The following NOL4 variants were observed in gnomAD, a reference collection of about 807,000 sequenced individuals.
NOL4 encodes cancer/testis antigen 125.
Under a neutral mutation model 75.9 loss-of-function variants are expected in NOL4, and 17 were observed. That is an observed-to-expected ratio of 0.22 (90% CI 0.15 to 0.34). The LOEUF is 0.34. Among genes scored for constraint, NOL4 ranks in the 10% least tolerant of loss-of-function variants. NOL4 has a pLI of 1.00. For synonymous variants in NOL4, 292 were observed against 289.9 expected, an observed-to-expected ratio of 1.01 and a Z score of -0.07; for missense variants, 614 against 793.5, an observed-to-expected ratio of 0.77 and a Z score of 2.72.
intron 1 of NOL4, among the ~76,000 whole-genome samples, chr18:34,163,578 G>A (rs1261308169): frequency 2.6e-5 from 4 of 152,210 alleles, no homozygotes; most frequent in Admixed American, 6.5e-5. Context: ...CCACTGCTCA[G>A]TGAAATAAAA....
chr18:34,189,426 C>T (rs2034742985), intron 1 of NOL4, among the ~76,000 whole-genome samples: 1 of 152,170 alleles, frequency 6.6e-6, no homozygotes, highest in Admixed American at 6.5e-5. Flanking sequence ...ATTTCCAACA[C>T]ATGAATTCTC....
At chr18:34,062,712 A>G (rs2077115842) in intron 5 of NOL4, among the ~76,000 whole-genome samples, 1 of 152,158 alleles carries the variant, frequency 6.6e-6, no homozygotes, top group Non-Finnish European at 1.5e-5. Context: ...GTATATCAAA[A>G]TAAAAATAGG....
At chr18:34,059,619 A>G (rs2076988352) in intron 5 of NOL4, among the ~76,000 whole-genome samples, 1 of 152,156 alleles carries the variant, frequency 6.6e-6, no homozygotes, top group Admixed American at 6.5e-5. Flanking sequence ...TGTGAAACCC[A>G]TAACTTTCTC....
At chr18:33,905,969 T>C (rs930504911) in intron 9 of NOL4, among the ~76,000 whole-genome samples, 1 of 152,206 alleles carries the variant, frequency 6.6e-6, no homozygotes, top group Non-Finnish European at 1.5e-5. Flanking sequence ...GGGGAAATTG[T>C]AGCAGTGAAA....
intron 6 of NOL4, among the ~76,000 whole-genome samples, chr18:33,994,194 T>C (rs1003839078): frequency 4.0e-5 from 6 of 151,590 alleles, no homozygotes; most frequent in African/African-American, 1.2e-4. Flanking sequence ...TAAATAATAA[T>C]AGATAATAGT....
At chr18:34,193,237 A>G (rs1371806664) in intron 1 of NOL4, among the ~76,000 whole-genome samples, 1 of 152,214 alleles carries the variant, frequency 6.6e-6, no homozygotes, top group Non-Finnish European at 1.5e-5. Flanking sequence ...AACACAGCAA[A>G]AAAAGCAGAA....
In NOL4 at chr18:34,220,093, C is replaced by G. The variant is rs573371325; in HGVS notation, c.264+2897G>C. Among the ~76,000 whole-genome samples the G allele has an allele frequency of 7.2e-5, 11 of 152,286 alleles. No individual in the cohort carries two copies. In the East Asian group the frequency reaches 1.5e-3, roughly 21 times the overall value. ...TTTAGGGGGAAGAGTAGTTGGAAAG[C>G]TATATTTCTTTTGGGAAAATAAGAG... On this transcript the variant is annotated intron_variant, in intron 1 of 10. Transcript: ENST00000261592.
chr18:34,004,489 A>G (rs974671421), intron 6 of NOL4, among the ~76,000 whole-genome samples: 4 of 152,100 alleles, frequency 2.6e-5, no homozygotes, highest in African/African-American at 9.7e-5. Context: ...AAACATTTTA[A>G]AGATATTTTT....
At chr18:33,871,711 A>G (rs2060515333) in intron 10 of NOL4, among the ~76,000 whole-genome samples, 1 of 152,066 alleles carries the variant, frequency 6.6e-6, no homozygotes, top group African/African-American at 2.4e-5. Flanking sequence ...GAGGCTCTTA[A>G]GAGTATATAA....
At chr18:34,062,509 C>A (rs72957395) in intron 5 of NOL4, among the ~76,000 whole-genome samples, 3,742 of 152,148 alleles carry the variant, frequency 0.025, 79 homozygotes, top group Non-Finnish European at 0.033. Context: ...CAGTATGACC[C>A]TTTCTTCATA....
At chr18:33,906,904 C>A (rs1412325366) in intron 9 of NOL4, among the ~76,000 whole-genome samples, 1 of 152,104 alleles carries the variant, frequency 6.6e-6, no homozygotes, top group Non-Finnish European at 1.5e-5. Context: ...AAAGCAGGGT[C>A]TGTTCTGTTA....
intron 1 of NOL4, among the ~76,000 whole-genome samples, chr18:34,149,428 C>A (rs1246149202): frequency 6.6e-6 from 1 of 151,436 alleles, no homozygotes; most frequent in African/African-American, 2.4e-5. Context: ...TGTTAGGGTG[C>A]ACGTGGCCAC....
rs2062634880 is a variant in NOL4, at chr18:33,851,540, AC to A, written c.*1301del. 1 of 152,532 alleles carries A rather than the reference AC, an allele frequency of 6.6e-6. No individual in the cohort carries two copies. Among genetic ancestry groups the A allele is most frequent in the Non-Finnish European group, 1.5e-5 (1 of 68,020 alleles). 9.4% of individuals were successfully genotyped at this position (152,532 alleles called of 1,614,324 possible). A position where few individuals can be genotyped will look rare whatever the true frequency, so the allele number is the denominator to read the frequency against. On this transcript the variant is annotated 3_prime_UTR_variant, in exon 11 of 11. Coordinates refer to ENST00000261592, the MANE Select transcript of NOL4 (RefSeq NM_003787.5). Reference sequence around the variant, plus strand: ...TGAAATAAGGCAAATTCAGGAATGCACAAAGAATTTGTAATCCAACCAAAGC... The same window carrying A: ...TGAAATAAGGCAAATTCAGGAATGCAAAAGAATTTGTAATCCAACCAAAGC...
intron 1 of NOL4, among the ~76,000 whole-genome samples, chr18:34,182,866 A>G (rs1377808818): frequency 6.6e-6 from 1 of 151,800 alleles, no homozygotes; most frequent in Admixed American, 6.6e-5. Context: ...GTTTACCAAA[A>G]AGTACATGAA....
At chr18:34,012,100 T>C (rs1224743067) in intron 6 of NOL4, among the ~76,000 whole-genome samples, 1 of 151,924 alleles carries the variant, frequency 6.6e-6, no homozygotes, top group Admixed American at 6.6e-5. Context: ...TCCTTCATCT[T>C]CCTGCAATAA....
chr18:34,097,195 G>A (rs2078826197), intron 4 of NOL4, among the ~76,000 whole-genome samples: 1 of 152,092 alleles, frequency 6.6e-6, no homozygotes, highest in Admixed American at 6.6e-5. Flanking sequence ...CAAATAATGT[G>A]TATGCTATTC....
intron 9 of NOL4, among the ~76,000 whole-genome samples, chr18:33,906,196 G>A (rs896233219): frequency 6.6e-6 from 1 of 152,176 alleles, no homozygotes; most frequent in African/African-American, 2.4e-5. Context: ...GTAGTGTTGA[G>A]TATTTGTCGG....
chr18:34,205,530 C>G (rs912847479), intron 1 of NOL4, among the ~76,000 whole-genome samples: 12 of 152,056 alleles, frequency 7.9e-5, no homozygotes, highest in African/African-American at 2.7e-4. Context: ...TAGTATAAGA[C>G]AGCCTCACCT....
At chr18:33,887,915 C>A (rs150465549) in intron 9 of NOL4, among the ~76,000 whole-genome samples, 5 of 151,996 alleles carry the variant, frequency 3.3e-5, no homozygotes, top group African/African-American at 1.2e-4. Flanking sequence ...CATGATTTAT[C>A]ATCCTTTGGG....
Sources: allele counts gnomAD v4.1 joint callset (sites outside exome capture counted in the v4.1 genomes callset), GRCh38; gene constraint gnomAD v4.1.1; transcripts MANE v1.5; gene names NCBI Gene and HGNC (gene_info 2026-07-23, HGNC 2026-07-21).